Variants in NUCB1 observed in about 807,000 individuals in gnomAD.
NUCB1 encodes nucleobindin-1.
A neutral mutation model predicts 61.2 loss-of-function variants in NUCB1; 47 were observed. The observed-to-expected ratio is 0.77, with a 90% CI of 0.61 to 0.98. The LOEUF (loss-of-function observed/expected upper bound fraction) is 0.98, where lower values mean the gene tolerates loss of function less well. Among genes scored for constraint, NUCB1 ranks in the 50% least tolerant of loss-of-function variants. The pLI is 0.00. For synonymous variants in NUCB1, 234 were observed against 243.1 expected, an observed-to-expected ratio of 0.96 and a Z score of 0.35; for missense variants, 583 against 605.3, an observed-to-expected ratio of 0.96 and a Z score of 0.39.
Position 48,904,424 on chromosome 19 carries a change from G to A in NUCB1, c.213G>A (p.Lys71=). 1.2e-6 allele frequency: 2 copies of A among 1,613,494 alleles called. No individual in the cohort carries two copies. The highest frequency in any genetic ancestry group is 4.5e-5 in the East Asian group (2 of 44,864). Residue 71 remains lysine (K), a synonymous_variant, in exon 3 of 13, where the codon AAG becomes AAA. Coordinates refer to ENST00000405315, the MANE Select transcript of NUCB1 (RefSeq NM_006184.6). ...VLETDGHFRE[K]LQAANAEDIK... Reference sequence around the variant, plus strand: ...AGACGGATGGGCATTTCCGAGAGAAGCTGCAGGCTGCCAATGCGGAGGACA... The same window carrying A: ...AGACGGATGGGCATTTCCGAGAGAAACTGCAGGCTGCCAATGCGGAGGACA...
intron 1 of NUCB1, 146 bp from the exon 2 acceptor site, chr19:48,900,640 C>A: frequency 1.8e-6 from 2 of 1,136,120 alleles, no homozygotes; most frequent in Non-Finnish European, 2.5e-6. Context: ...GGCCGGAGGC[C>A]TGGAATCCTG....
intron 7 of NUCB1, among the ~76,000 whole-genome samples, chr19:48,914,125 A>G (rs952187911): frequency 1.5e-4 from 22 of 151,478 alleles, no homozygotes; most frequent in Non-Finnish European, 2.5e-4. Context: ...ACAGGCATGC[A>G]CCACCATGCC....
At position 48,913,300 on chromosome 19, in the gene NUCB1, A is replaced by G. The variant is rs2122189462; in HGVS notation, c.666+104A>G. On this transcript the variant is annotated intron_variant, in intron 6 of 12. Transcript: ENST00000405315. ...CAATTCCCAGGGGCCCTTGAGGCAA[A>G]AAAACTCCCTGTTACTGTACCTGGC... 2.3e-6 allele frequency: 3 copies of G among 1,320,186 alleles called. No individual in the cohort carries two copies. The Admixed American group carries it at 7.6e-5, about 33-fold the overall frequency. The allele number at this position is 1,320,186 out of a possible 1,614,324, so 81.8% of individuals were successfully genotyped here. A position where few individuals can be genotyped will look rare whatever the true frequency, so the allele number is the denominator to read the frequency against.
chr19:48,912,035 T>C lies in NUCB1; in HGVS notation c.480+783T>C, dbSNP rs566561301. On this transcript the variant is annotated intron_variant, in intron 5 of 12. Transcript: ENST00000405315. ...TTATTTTTACTTTTTTTTTTTTTTT[T>C]TTTACCTGAGACAGCGTCTTGCTCT... Among the ~76,000 whole-genome samples, 26 of 150,636 alleles carry C rather than the reference T, an allele frequency of 1.7e-4. No individual in the cohort carries two copies. In the South Asian group the frequency reaches 3.2e-3, roughly 18 times the overall value.
chr19:48,901,068 C>G, intron 2 of NUCB1, 137 bp downstream of exon 2: 1 of 1,018,734 alleles, frequency 9.8e-7, no homozygotes, highest in Non-Finnish European at 1.5e-6. Flanking sequence ...CCCACCATTC[C>G]TCCCAGCAGC....
chr19:48,913,570 G>A lies in NUCB1; in HGVS notation c.757+6G>A. On this transcript the variant is annotated splice_donor_region_variant and intron_variant, in intron 7 of 12. Coordinates refer to ENST00000405315, the MANE Select transcript of NUCB1 (RefSeq NM_006184.6). ...GACCTTCTTCATACTGCATGGTAAG[G>A]TGGGGAGGGAGTTCCAGAGCCAGGA... The A allele has an allele frequency of 6.2e-7, 1 of 1,611,430 alleles. No homozygotes were observed. The highest frequency in any genetic ancestry group is 1.1e-5 in the South Asian group (1 of 91,036).
chr19:48,912,843 CAAAAAAA>C (rs5828367), intron 5 of NUCB1, among the ~76,000 whole-genome samples, 161 bp from the exon 6 acceptor site: 1 of 95,326 alleles, frequency 1.0e-5, no homozygotes, highest in Non-Finnish European at 2.0e-5. Context: ...GACTCCCTCT[CAAAAAAA>C]AAAAAAAAAA....
At chr19:48,903,044 G>A (rs1198142876) in intron 2 of NUCB1, among the ~76,000 whole-genome samples, 1 of 151,980 alleles carries the variant, frequency 6.6e-6, no homozygotes, top group Non-Finnish European at 1.5e-5. Flanking sequence ...CTGGGCTCAA[G>A]TGATCCTCCT....
rs972812724 is a variant in NUCB1 at position 48,922,831 on chromosome 19, G to A, written c.*407G>A. 3.7e-5 allele frequency: 7 copies of A among 188,572 alleles called. No individual in the cohort carries two copies. Among genetic ancestry groups the A allele is most frequent in the Admixed American group, 5.7e-5 (1 of 17,422 alleles). 11.7% of individuals were successfully genotyped at this position (188,572 alleles called of 1,614,324 possible). On this transcript the variant is annotated 3_prime_UTR_variant, in exon 13 of 13. Transcript: ENST00000405315. Reference sequence around the variant, plus strand: ...TATGCCCACAGCTACTGGAATCCCCGCTGCTGCTCCGGGCCAAGCTTCTGG... The same window carrying A: ...TATGCCCACAGCTACTGGAATCCCCACTGCTGCTCCGGGCCAAGCTTCTGG...
chr19:48,919,452 C>CTTAT (rs35642334), intron 10 of NUCB1, among the ~76,000 whole-genome samples, 166 bp downstream of exon 10: 39,525 of 141,842 alleles, frequency 0.28, 6,419 homozygotes, highest in East Asian at 0.48. Context: ...CTCTAGGACT[C>CTTAT]TTATTTATTT....
At chr19:48,916,902 G>A (rs940217952) in intron 7 of NUCB1, among the ~76,000 whole-genome samples, 1 of 151,546 alleles carries the variant, frequency 6.6e-6, no homozygotes, top group South Asian at 2.1e-4. Flanking sequence ...GCAACAGAGC[G>A]AGACTCTGTC....
intron 11 of NUCB1, among the ~76,000 whole-genome samples, chr19:48,921,619 C>T (rs2122213509): frequency 6.6e-6 from 1 of 152,248 alleles, no homozygotes; most frequent in South Asian, 2.1e-4. Context: ...CAAAGCAAGA[C>T]CCAAGCTGTG....
At chr19:48,907,293 T>C (rs1474315757) in intron 4 of NUCB1, among the ~76,000 whole-genome samples, 1 of 125,938 alleles carries the variant, frequency 7.9e-6, no homozygotes, top group Non-Finnish European at 1.7e-5. Flanking sequence ...TTTTTTTTGG[T>C]GAGACAGAAT....
chr19:48,921,842 G>GAGCAGCGGA lies in NUCB1; in HGVS notation c.1196_1204dup (p.Arg399_Gln401dup). 6.2e-7 allele frequency: 1 copy of GAGCAGCGGA among 1,612,422 alleles called. No homozygotes were observed. Among genetic ancestry groups the GAGCAGCGGA allele is most frequent in the South Asian group, 1.1e-5 (1 of 91,082 alleles). On this transcript the variant is annotated inframe_insertion, in exon 12 of 13. Coordinates refer to ENST00000405315, the MANE Select transcript of NUCB1 (RefSeq NM_006184.6). Reference sequence around the variant, plus strand: ...CCTCCCACAGGCTGTGCTGCACATGGAGCAGCGGAAGCAGCAGCAGCAGCA... The same window carrying GAGCAGCGGA: ...CCTCCCACAGGCTGTGCTGCACATGGAGCAGCGGAAGCAGCGGAAGCAGCAGCAGCAGCA...
intron 4 of NUCB1, 35 bp downstream of exon 4, chr19:48,905,920 A>AACAGGCTGGGT: frequency 4.2e-6 from 2 of 473,426 alleles, no homozygotes; most frequent in Non-Finnish European, 7.8e-6. Flanking sequence ...ACAGGCAGGG[A>AACAGGCTGGGT]GGGGTGGGGA....
intron 4 of NUCB1, 35 bp downstream of exon 4, chr19:48,905,920 A>AACTGGCTGGGT: frequency 8.4e-6 from 4 of 473,426 alleles, no homozygotes; most frequent in East Asian, 5.3e-5. Context: ...ACAGGCAGGG[A>AACTGGCTGGGT]GGGGTGGGGA....
chr19:48,913,287 G>GC, intron 6 of NUCB1, 91 bp downstream of exon 6: 1 of 1,327,554 alleles, frequency 7.5e-7, no homozygotes, highest in Non-Finnish European at 1.0e-6. Flanking sequence ...ATTCCCAGGG[G>GC]CCCTTGAGGC....
Position 48,904,275 on chromosome 19 carries a change from T to C in NUCB1, c.136-72T>C, listed in dbSNP as rs1288237928. ...GTCAGCTGCCCCAGGGAGCAGGCCA[T>C]AGCAGTAACAGGAGTGAGGGTGGGG... On this transcript the variant is annotated intron_variant, in intron 2 of 12. Coordinates refer to ENST00000405315, the MANE Select transcript of NUCB1 (RefSeq NM_006184.6). The C allele has an allele frequency of 4.1e-6, 4 of 984,268 alleles. No homozygotes were observed. In the Admixed American group the frequency reaches 5.4e-5, roughly 13 times the overall value. 61.0% of individuals were successfully genotyped at this position (984,268 alleles called of 1,614,324 possible).
Position 48,919,102 on chromosome 19 carries a change from C to A in NUCB1, c.889C>A (p.Arg297=), listed in dbSNP as rs1848100961. Residue 297 remains arginine (R), a synonymous_variant, in exon 9 of 13, where the codon CGG becomes AGG. Transcript: ENST00000405315. ...REMEEERLRM[R]EHVMKNVDTN... is the part of the protein sequence containing the mutation. ...GATGGAGGAGGAGCGACTGCGCATG[C>A]GGGAGCATGTGATGAAGAATGTGAG... The A allele has an allele frequency of 6.2e-7, 1 of 1,613,936 alleles. No individual in the cohort carries two copies. Among genetic ancestry groups the A allele is most frequent in the Non-Finnish European group, 8.5e-7 (1 of 1,179,986 alleles).
Sources: gnomAD v4.1 joint callset for allele counts (sites outside exome capture counted in the v4.1 genomes callset) on GRCh38, gnomAD v4.1.1 for gene constraint, MANE v1.5 for transcripts, NCBI Gene and HGNC (gene_info 2026-07-23, HGNC 2026-07-21) for gene names.